MUC5AC: variants seen among roughly 807,000 people sequenced by gnomAD.
MUC5AC encodes the protein mucin 5AC, oligomeric mucus/gel-forming.
Under a neutral mutation model 169.7 loss-of-function variants are expected in MUC5AC, and 158 were observed. The observed-to-expected ratio is 0.93, with a 90% CI of 0.82 to 1.06. The LOEUF is 1.06. Ranked by LOEUF, MUC5AC falls within the 50% of genes least tolerant of loss-of-function variation. The probability of loss-of-function intolerance (pLI) is 0.00; values close to 1 mark genes in which losing one functional copy is unlikely to be tolerated. For missense variants in MUC5AC, 4,359 were observed against 3,089.9 expected (o/e 1.41, Z -9.74); for synonymous variants, 1,975 against 1,237.0 (o/e 1.60, Z -12.52).
In MUC5AC at chr11:1,192,079, G is replaced by A. The variant is rs374835417; in HGVS notation, c.13934G>A (p.Gly4645Glu). The A allele has an allele frequency of 1.3e-6, 1 of 765,112 alleles. No individual in the cohort carries two copies. Among genetic ancestry groups the A allele is most frequent in the East Asian group, 2.4e-5 (1 of 41,258 alleles). The allele number at this position is 765,112 out of a possible 1,614,324, so 47.4% of individuals were successfully genotyped here. Reference sequence around the variant, plus strand: ...TTCGACGTGGACTTCCCATCCCCTGGACCCCACGGCGGGGACAAGGAAACC... The same window carrying A: ...TTCGACGTGGACTTCCCATCCCCTGAACCCCACGGCGGGGACAAGGAAACC... ...KWFDVDFPSPGPHGGDKETYN... is the reference protein window; with the variant it reads ...KWFDVDFPSPEPHGGDKETYN... The change falls in exon 31 of 49, where the codon GGA becomes GAA. Residue 4645 changes from glycine (G) to glutamate (E), a missense_variant. Physicochemically the swap from Gly to Glu is moderately conservative, Grantham distance 98 (BLOSUM62 -2). Transcript: ENST00000621226.
rs749793455 is a variant in MUC5AC at position 1,194,499 on chromosome 11, A to C, written c.15019A>C (p.Asn5007His). The change falls in exon 35 of 49, where the codon AAC becomes CAC. Residue 5007 changes from asparagine to histidine, a missense_variant. Transcript: ENST00000621226. ...GCCCTGCGTCCAGATCATCTTCAACAACAAGGTGGTCAGCCCCGGCTTCCG... is the reference window on the plus strand; with the variant it reads ...GCCCTGCGTCCAGATCATCTTCAACCACAAGGTGGTCAGCCCCGGCTTCCG... Reference protein sequence around the residue: ...GVMTNEIIFNNKVVSPGFRKN... With the variant: ...GVMTNEIIFNHKVVSPGFRKN... 15 of 759,490 alleles carry C rather than the reference A, an allele frequency of 2.0e-5. No individual in the cohort carries two copies. In the East Asian group the frequency reaches 3.4e-4, roughly 17 times the overall value. The allele number at this position is 759,490 out of a possible 1,614,324, so 47.0% of individuals were successfully genotyped here. A position where few individuals can be genotyped will look rare whatever the true frequency, so the allele number is the denominator to read the frequency against.
rs1554928438 is a variant in MUC5AC, at chr11:1,188,000, C to T, written c.9855C>T (p.Gly3285=). The T allele has an allele frequency of 7.1e-5, 54 of 759,854 alleles. 1 individual carries two copies. The highest frequency in any genetic ancestry group is 3.4e-4 in the South Asian group (25 of 74,100). 47.1% of individuals were successfully genotyped at this position (759,854 alleles called of 1,614,324 possible). ...SHPEVSIEHL[G]QVVQCSREEG... ...CGGAGGTGAGCATTGAACACCTGGGCCAGGTGGTGCAGTGCAGCCGTGAAG... is the reference window on the plus strand; with the variant it reads ...CGGAGGTGAGCATTGAACACCTGGGTCAGGTGGTGCAGTGCAGCCGTGAAG... The change falls in exon 31 of 49, where the codon GGC becomes GGT. Residue 3285 remains glycine (G), a synonymous_variant. Transcript: ENST00000621226.
intron 2 of MUC5AC, among the ~76,000 whole-genome samples, chr11:1,160,925 G>A (rs1860124116): frequency 6.6e-6 from 1 of 152,242 alleles, no homozygotes; most frequent in Non-Finnish European, 1.5e-5. Flanking sequence ...TGCAGGGCGG[G>A]GCAGATTTGC....
intron 9 of MUC5AC, 114 bp from the exon 10 acceptor site, chr11:1,165,188 C>T (rs1860285398): frequency 2.0e-6 from 2 of 990,844 alleles, no homozygotes; most frequent in Non-Finnish European, 2.9e-6. Flanking sequence ...CCGTCCTGGG[C>T]CCCTGGAGCT....
chr11:1,191,447 C>A lies in MUC5AC; in HGVS notation c.13302C>A (p.Thr4434=). 1.3e-6 allele frequency: 1 copy of A among 749,650 alleles called. No homozygotes were observed. The highest frequency in any genetic ancestry group is 2.4e-6 in the Non-Finnish European group (1 of 409,214). 46.4% of individuals were successfully genotyped at this position (749,650 alleles called of 1,614,324 possible). The change falls in exon 31 of 49, where the codon ACC becomes ACA. Residue 4434 remains threonine, a synonymous_variant. Coordinates refer to ENST00000621226, the MANE Select transcript of MUC5AC (RefSeq NM_001304359.2). ...RTTPASTAST[T]SGPGTTPSPV... is the part of the protein sequence containing the mutation. ...CCCCTGCCTCTACAGCCAGCACAAC[C>A]TCTGGTCCTGGAACTACTCCCAGCC...
At chr11:1,163,501 C>T (rs900259095) in intron 6 of MUC5AC, among the ~76,000 whole-genome samples, 1 of 152,236 alleles carries the variant, frequency 6.6e-6, no homozygotes, top group Non-Finnish European at 1.5e-5. Flanking sequence ...GGGTGTCCAG[C>T]AGCCCTTGGC....
At chr11:1,162,283 G>C in intron 4 of MUC5AC, 115 bp downstream of exon 4, 4 of 1,458,878 alleles carry the variant, frequency 2.7e-6, no homozygotes, top group African/African-American at 1.4e-5. Context: ...AAGCCCCTGA[G>C]AGCAGAGCTG....
intron 25 of MUC5AC, 107 bp downstream of exon 25, chr11:1,178,790 G>A (rs1860745287): frequency 3.6e-6 from 2 of 549,756 alleles, no homozygotes; most frequent in Non-Finnish European, 5.5e-6. Flanking sequence ...TGCCAACCAA[G>A]GGTGTGGGCT....
chr11:1,193,633 G>A lies in MUC5AC; in HGVS notation c.14729G>A (p.Gly4910Asp), dbSNP rs1251787316. The change falls in exon 33 of 49, where the codon GGC becomes GAC. Residue 4910 changes from glycine to aspartate, a missense_variant. Coordinates refer to ENST00000621226, the MANE Select transcript of MUC5AC (RefSeq NM_001304359.2). ...GCTGTGAAGGTGGCTGACCAAGATG[G>A]CTGCTGCCATCACTACCAGTGCCAG... Reference protein sequence around the residue: ...YPAVKVADQDGCCHHYQCQCV... With the variant: ...YPAVKVADQDDCCHHYQCQCV... 5.2e-6 allele frequency: 4 copies of A among 764,880 alleles called. No individual in the cohort carries two copies. Among genetic ancestry groups the A allele is most frequent in the Non-Finnish European group, 9.6e-6 (4 of 417,848 alleles). 47.4% of individuals were successfully genotyped at this position (764,880 alleles called of 1,614,324 possible). A position where few individuals can be genotyped will look rare whatever the true frequency, so the allele number is the denominator to read the frequency against.
chr11:1,179,495 C>T (rs1471484301), intron 26 of MUC5AC, among the ~76,000 whole-genome samples: 5 of 150,828 alleles, frequency 3.3e-5, no homozygotes, highest in African/African-American at 4.9e-5. Context: ...AGAGGGGTCG[C>T]TGGCATGGTA....
intron 5 of MUC5AC, 52 bp from the exon 6 acceptor site, chr11:1,162,903 C>G: frequency 1.3e-6 from 2 of 1,532,622 alleles, no homozygotes; most frequent in Non-Finnish European, 1.8e-6. Flanking sequence ...CGAGCCTCAT[C>G]TGTCCATCTG....
intron 15 of MUC5AC, among the ~76,000 whole-genome samples, chr11:1,171,487 A>C (rs1214764385): frequency 3.4e-5 from 4 of 117,292 alleles, no homozygotes; most frequent in Non-Finnish European, 7.3e-5. Context: ...CCACTCACCC[A>C]CTCACTCACC....
At chr11:1,173,316 CT>C (rs1860594479) in intron 16 of MUC5AC, among the ~76,000 whole-genome samples, 1 of 149,028 alleles carries the variant, frequency 6.7e-6, no homozygotes, top group Non-Finnish European at 1.5e-5. Flanking sequence ...CACTCACTCA[CT>C]CATCCACTCA....
chr11:1,162,723 A>C, intron 5 of MUC5AC, 77 bp downstream of exon 5: 1 of 1,394,094 alleles, frequency 7.2e-7, no homozygotes, highest in Non-Finnish European at 1.0e-6. Flanking sequence ...CTCTCCGGAG[A>C]GGGTAGAAGG....
Position 1,180,259 on chromosome 11 carries a change from C to T in MUC5AC, c.3614-95C>T, listed in dbSNP as rs1437102875. On this transcript the variant is annotated intron_variant, in intron 27 of 48. Coordinates refer to ENST00000621226, the MANE Select transcript of MUC5AC (RefSeq NM_001304359.2). ...AGCTTCCAGCACATTCTGGTGCTGTCGGCGAGGCCCGCTGCTTGGGGGCTG... is the reference window on the plus strand; with the variant it reads ...AGCTTCCAGCACATTCTGGTGCTGTTGGCGAGGCCCGCTGCTTGGGGGCTG... 3.5e-5 allele frequency: 14 copies of T among 398,440 alleles called. No individual in the cohort carries two copies. In the South Asian group the frequency reaches 1.0e-3, roughly 29 times the overall value. The allele number at this position is 398,440 out of a possible 1,614,324, so 24.7% of individuals were successfully genotyped here. A position where few individuals can be genotyped will look rare whatever the true frequency, so the allele number is the denominator to read the frequency against.
Position 1,174,551 on chromosome 11 carries a change from C to T in MUC5AC, c.2021C>T (p.Ala674Val), listed in dbSNP as rs980955585. 2.0e-4 allele frequency: 307 copies of T among 1,561,826 alleles called. No individual in the cohort carries two copies. Among genetic ancestry groups the T allele is most frequent in the Non-Finnish European group, 2.3e-4 (270 of 1,155,318 alleles). Reference protein sequence around the residue: ...CERSEDCLCAALSSYVHACAA... With the variant: ...CERSEDCLCAVLSSYVHACAA... Reference sequence around the variant, plus strand: ...CGGAGCGAGGACTGCCTGTGCGCCGCGCTGTCCTCCTACGTGCACGCCTGT... The same window carrying T: ...CGGAGCGAGGACTGCCTGTGCGCCGTGCTGTCCTCCTACGTGCACGCCTGT... The change falls in exon 17 of 49, where the codon GCG (alanine) becomes GTG (valine). Residue 674 changes from alanine to valine, a missense_variant. Ala to Val is a moderately conservative substitution (Grantham distance 64, BLOSUM62 0). Transcript: ENST00000621226.
chr11:1,158,404 G>C (rs1170765581), intron 1 of MUC5AC, among the ~76,000 whole-genome samples: 4 of 152,230 alleles, frequency 2.6e-5, no homozygotes, highest in Admixed American at 6.5e-5. Flanking sequence ...ATCTCCAGCT[G>C]CTCATGGCCC....
rs1412910449 is a variant in MUC5AC, at chr11:1,191,260, G to A, written c.13115G>A (p.Gly4372Asp). 1.6e-6 allele frequency: 1 copy of A among 612,030 alleles called. No individual in the cohort carries two copies. The highest frequency in any genetic ancestry group is 2.9e-6 in the Non-Finnish European group (1 of 346,166). 37.9% of individuals were successfully genotyped at this position (612,030 alleles called of 1,614,324 possible). ...TSASTASTTS[G>D]PGTTPSPVPT... ...GCCTCTACAGCCAGCACAACCTCTG[G>A]TCCTGGAACTACTCCCAGCCCTGTT... Residue 4372 changes from glycine (G) to aspartate (D), a missense_variant, in exon 31 of 49, where the codon GGT (glycine) becomes GAT (aspartate). Coordinates refer to ENST00000621226, the MANE Select transcript of MUC5AC (RefSeq NM_001304359.2).
At chr11:1,162,389 G>A (rs1860169768) in intron 4 of MUC5AC, 143 bp from the exon 5 acceptor site, 17 of 1,024,230 alleles carry the variant, frequency 1.7e-5, no homozygotes, top group Non-Finnish European at 2.0e-5. Context: ...CGTGACCCCC[G>A]AGCTCCAGAG....
Sources: allele counts gnomAD v4.1 joint callset (sites outside exome capture counted in the v4.1 genomes callset), GRCh38; gene constraint gnomAD v4.1.1; transcripts MANE v1.5; gene names NCBI Gene and HGNC (gene_info 2026-07-23, HGNC 2026-07-21).